C12orf42: variants seen among roughly 807,000 people sequenced by gnomAD.
C12orf42 encodes the protein chromosome 12 open reading frame 42.
In C12orf42, 25 loss-of-function variants were observed where a neutral mutation model predicts 21.6. The ratio of observed to expected loss-of-function variants is 1.16; its 90% CI spans 0.84 to 1.62. The LOEUF (loss-of-function observed/expected upper bound fraction) is 1.62. Among genes scored for constraint, C12orf42 ranks in the 40% most tolerant of loss-of-function variants. The pLI is 0.00. For missense variants in C12orf42, 483 were observed against 459.3 expected (o/e 1.05, Z -0.47); for synonymous variants, 174 against 175.0 (o/e 0.99, Z 0.05).
rs145831198 is a variant in C12orf42, at chr12:103,468,930, A to C, written c.78+9419T>G. ...TGTTCTTGCAAAGCAGGGGTAATTT[A>C]CTCCAGTAAAATCTAGCTAATAGCC... is the stretch of plus-strand genomic sequence containing the variant. On this transcript the variant is annotated intron_variant, in intron 2 of 5. Coordinates refer to ENST00000548883, the MANE Select transcript of C12orf42 (RefSeq NM_198521.5). Among the ~76,000 whole-genome samples, 641 of 152,316 alleles carry C rather than the reference A, an allele frequency of 4.2e-3. 8 individuals are homozygous for C. Among genetic ancestry groups the C allele is most frequent in the South Asian group, 0.032 (153 of 4,822 alleles).
At chr12:103,065,072 C>A in the C12orf42 span, among the ~76,000 whole-genome samples, 2 of 152,134 alleles carry the variant, frequency 1.3e-5, no homozygotes, top group East Asian at 1.9e-4. Flanking sequence ...ATTAAAGCTG[C>A]CTTTACCTAG....
the C12orf42 span, among the ~76,000 whole-genome samples, chr12:103,117,155 G>A: frequency 6.6e-6 from 1 of 152,156 alleles, no homozygotes; most frequent in Non-Finnish European, 1.5e-5. Context: ...CCAGCTGTAA[G>A]TTTGTTTTAT....
At chr12:103,420,984 CA>C (rs969483243) in intron 2 of C12orf42, among the ~76,000 whole-genome samples, 4 of 152,136 alleles carry the variant, frequency 2.6e-5, no homozygotes, top group African/African-American at 4.8e-5. Context: ...ACACATTTTT[CA>C]AATATTTTCA....
intron 2 of C12orf42, among the ~76,000 whole-genome samples, chr12:103,432,560 TGA>T (rs1451395165): frequency 2.0e-5 from 3 of 152,242 alleles, no homozygotes; most frequent in African/African-American, 7.2e-5. Context: ...TGCTGTCTAA[TGA>T]GAGAGATAGT....
In C12orf42 at chr12:103,382,512, G is replaced by A. The variant is rs75832217; in HGVS notation, c.148-13514C>T. On this transcript the variant is annotated intron_variant, in intron 3 of 5. Coordinates refer to ENST00000548883, the MANE Select transcript of C12orf42 (RefSeq NM_198521.5). The stretch of plus-strand genomic sequence containing the variant: ...CCCTGGCCTTAGCCCATATGCTTTT[G>A]CTTTGACCCTAATGAGATCTACTAA... Among the ~76,000 whole-genome samples the A allele has an allele frequency of 3.0e-3, 450 of 152,276 alleles. 3 individuals are homozygous for A. The highest frequency in any genetic ancestry group is 6.8e-3 in the Middle Eastern group (2 of 294).
chr12:103,489,924 G>C (rs1022527751), intron 1 of C12orf42, among the ~76,000 whole-genome samples: 1 of 152,138 alleles, frequency 6.6e-6, no homozygotes, highest in African/African-American at 2.4e-5. Flanking sequence ...CCAATGCCCC[G>C]CCCTGCTTCA....
At chr12:103,251,625 T>C (rs1158484900) in intron 10 of C12orf42, among the ~76,000 whole-genome samples, 1 of 152,166 alleles carries the variant, frequency 6.6e-6, no homozygotes, top group Admixed American at 6.6e-5. Context: ...CATACACCCT[T>C]ATTACCTCAA....
chr12:103,221,066 G>C, the C12orf42 span, among the ~76,000 whole-genome samples: 1 of 152,284 alleles, frequency 6.6e-6, no homozygotes, highest in East Asian at 1.9e-4. Flanking sequence ...AACATCTTCA[G>C]CAACAGCTGA....
chr12:103,231,072 G>A, the C12orf42 span, among the ~76,000 whole-genome samples: 2 of 152,108 alleles, frequency 1.3e-5, no homozygotes, highest in Admixed American at 1.3e-4. Flanking sequence ...ACAAGTGTAT[G>A]AGGTTTTCTA....
At chr12:103,137,345 G>T in the C12orf42 span, among the ~76,000 whole-genome samples, 1 of 150,620 alleles carries the variant, frequency 6.6e-6, no homozygotes, top group East Asian at 1.9e-4. Flanking sequence ...ACTTAGAATG[G>T]CTATTTTTAA....
intron 4 of C12orf42, among the ~76,000 whole-genome samples, chr12:103,306,617 C>T (rs2038360717): frequency 6.6e-6 from 1 of 152,038 alleles, no homozygotes; most frequent in Non-Finnish European, 1.5e-5. Flanking sequence ...ACTGAATCCT[C>T]AAAAGAATCA....
the C12orf42 span, among the ~76,000 whole-genome samples, chr12:103,216,941 C>G: frequency 6.6e-6 from 1 of 152,132 alleles, no homozygotes; most frequent in Non-Finnish European, 1.5e-5. Flanking sequence ...CTCCCAGGTT[C>G]AAGGGATTCC....
At chr12:103,072,892 G>A in the C12orf42 span, among the ~76,000 whole-genome samples, 1 of 152,216 alleles carries the variant, frequency 6.6e-6, no homozygotes, top group South Asian at 2.1e-4. Flanking sequence ...GTTCATTGTA[G>A]CAGTATTCAC....
chr12:103,255,664 C>A (rs2136207024), intron 10 of C12orf42, among the ~76,000 whole-genome samples: 1 of 151,996 alleles, frequency 6.6e-6, no homozygotes, highest in East Asian at 1.9e-4. Context: ...ATATGTTAAA[C>A]CACCCATATT....
intron 3 of C12orf42, among the ~76,000 whole-genome samples, chr12:103,369,796 T>C (rs1007805594): frequency 1.3e-5 from 2 of 151,970 alleles, no homozygotes; most frequent in Admixed American, 6.6e-5. Flanking sequence ...ACCTAGGCAA[T>C]AGCATTCTGG....
intron 3 of C12orf42, among the ~76,000 whole-genome samples, chr12:103,386,845 G>A (rs1283308524): frequency 6.6e-6 from 1 of 152,132 alleles, no homozygotes; most frequent in Admixed American, 6.5e-5. Flanking sequence ...GGCTGCCCAT[G>A]CACCTGAACC....
chr12:103,200,869 A>G, the C12orf42 span, among the ~76,000 whole-genome samples: 2 of 152,234 alleles, frequency 1.3e-5, no homozygotes, highest in Non-Finnish European at 2.9e-5. Flanking sequence ...CAAAATAGGA[A>G]CAATTACAAT....
At chr12:103,311,940 T>A (rs79452634) in intron 4 of C12orf42, among the ~76,000 whole-genome samples, 3,189 of 152,294 alleles carry the variant, frequency 0.021, 105 homozygotes, top group African/African-American at 0.072. Flanking sequence ...ATCATTTTTA[T>A]TCAGTCAAAC....
At chr12:103,093,234 G>A in the C12orf42 span, among the ~76,000 whole-genome samples, 3 of 152,156 alleles carry the variant, frequency 2.0e-5, no homozygotes, top group Non-Finnish European at 2.9e-5. Context: ...CCATGTCTGA[G>A]TTGGTTGTTG....
Sources: gnomAD v4.1 joint callset for allele counts (sites outside exome capture counted in the v4.1 genomes callset) on GRCh38, gnomAD v4.1.1 for gene constraint, MANE v1.5 for transcripts, NCBI Gene and HGNC (gene_info 2026-07-23, HGNC 2026-07-21) for gene names.